Variants in RB1 observed in about 807,000 individuals in gnomAD.
The protein encoded by RB1 is retinoblastoma-associated protein.
A neutral mutation model predicts 135.4 loss-of-function variants in RB1; 18 were observed. The ratio of observed to expected loss-of-function variants is 0.13; its 90% CI spans 0.09 to 0.20. The LOEUF (loss-of-function observed/expected upper bound fraction) is 0.20. Ranked by LOEUF, RB1 falls within the 10% of genes least tolerant of loss-of-function variation. RB1 has a pLI of 1.00. For missense variants in RB1, 868 were observed against 1,110.0 expected, an observed-to-expected ratio of 0.78 and a Z score of 3.10; for synonymous variants, 365 against 373.2, an observed-to-expected ratio of 0.98 and a Z score of 0.25.
intron 5 of RB1, 105 bp downstream of exon 5, chr13:48,347,968 C>G (rs1019763542): frequency 4.8e-6 from 4 of 837,820 alleles, no homozygotes; most frequent in Middle Eastern, 2.3e-4. Context: ...TTATAGCAGG[C>G]TACTTCATAA....
chr13:48,308,141 A>C (rs551029169), intron 2 of RB1, among the ~76,000 whole-genome samples: 13 of 151,672 alleles, frequency 8.6e-5, no homozygotes, highest in Non-Finnish European at 1.8e-4. Context: ...ATGTTTAATA[A>C]AAGGAGCAAA....
intron 6 of RB1, among the ~76,000 whole-genome samples, chr13:48,350,932 T>A (rs548513118): frequency 7.2e-5 from 11 of 152,362 alleles, no homozygotes; most frequent in East Asian, 5.8e-4. Flanking sequence ...ATGGGCTGCA[T>A]AGAATTCCAT....
intron 23 of RB1, among the ~76,000 whole-genome samples, 153 bp downstream of exon 23, chr13:48,465,521 G>A (rs995018444): frequency 1.3e-5 from 2 of 152,306 alleles, no homozygotes; most frequent in Admixed American, 6.5e-5. Flanking sequence ...ATATGGGGGC[G>A]GGGTGAAGAA....
At chr13:48,401,979 T>C (rs1269395446) in intron 17 of RB1, among the ~76,000 whole-genome samples, 3 of 152,138 alleles carry the variant, frequency 2.0e-5, no homozygotes, top group Non-Finnish European at 4.4e-5. Flanking sequence ...GATAATTTAA[T>C]TGTCTAAAAG....
chr13:48,386,978 A>G (rs188853613), intron 17 of RB1, among the ~76,000 whole-genome samples: 3 of 152,220 alleles, frequency 2.0e-5, no homozygotes, highest in African/African-American at 4.8e-5. Context: ...CCGCCCTGCA[A>G]CTAACCTTTA....
In RB1 at chr13:48,397,493, G is replaced by C. The variant is rs939513558; in HGVS notation, c.1695+16050G>C. 4.6e-5 allele frequency among the ~76,000 whole-genome samples: 7 copies of C among 152,040 alleles called. No homozygotes were observed. In the East Asian group the frequency reaches 7.7e-4, roughly 17 times the overall value. On this transcript the variant is annotated intron_variant, in intron 17 of 26. Transcript: ENST00000267163. ...GAACATCACACACCGGGGCCTGTCA[G>C]GGGGTGCGGGTCTAAGGGAGGGATA...
intron 2 of RB1, chr13:48,318,657 G>A (rs1467845025): frequency 3.3e-6 from 2 of 611,068 alleles, no homozygotes; most frequent in Non-Finnish European, 3.0e-6. Flanking sequence ...CACCTCCCGC[G>A]TTTTCTTGGG....
intron 17 of RB1, among the ~76,000 whole-genome samples, chr13:48,417,730 G>T (rs981764898): frequency 6.6e-6 from 1 of 152,056 alleles, no homozygotes; most frequent in Non-Finnish European, 1.5e-5. Context: ...CAAGAACTTC[G>T]TGAAGCATAC....
chr13:48,366,978 G>A (rs1952707098), intron 9 of RB1, among the ~76,000 whole-genome samples: 1 of 151,916 alleles, frequency 6.6e-6, no homozygotes, highest in Non-Finnish European at 1.5e-5. Flanking sequence ...AATTAGCCGG[G>A]CATGGTAGCA....
intron 6 of RB1, among the ~76,000 whole-genome samples, chr13:48,353,328 T>C (rs971695733): frequency 6.6e-6 from 1 of 151,968 alleles, no homozygotes; most frequent in Non-Finnish European, 1.5e-5. Context: ...TATATGCCAA[T>C]AAACTGGAAA....
intron 16 of RB1, among the ~76,000 whole-genome samples, chr13:48,381,031 A>G (rs955088223): frequency 6.6e-6 from 1 of 152,182 alleles, no homozygotes; most frequent in African/African-American, 2.4e-5. Context: ...GAGATCAGCT[A>G]TAAGTCCTTT....
chr13:48,325,993 A>C (rs1033581535), intron 2 of RB1, among the ~76,000 whole-genome samples: 1 of 152,146 alleles, frequency 6.6e-6, no homozygotes, highest in African/African-American at 2.4e-5. Flanking sequence ...CACTCTGCTT[A>C]ATACTGTAAC....
chr13:48,303,940 G>A lies in RB1; in HGVS notation c.28G>A (p.Ala10Thr). 6.6e-7 allele frequency: 1 copy of A among 1,509,326 alleles called. No homozygotes were observed. 93.5% of individuals were successfully genotyped at this position (1,509,326 alleles called of 1,614,324 possible). Residue 10 changes from alanine (A) to threonine (T), a missense_variant, in exon 1 of 27, where the codon GCC becomes ACC. Coordinates refer to ENST00000267163, the MANE Select transcript of RB1 (RefSeq NM_000321.3). ...GCCGCCCAAAACCCCCCGAAAAACG[G>A]CCGCCACCGCCGCCGCTGCCGCCGC... MPPKTPRKT[A>T]ATAAAAAAEP...
At position 48,342,713 on chromosome 13, in the gene RB1, A is replaced by T; in HGVS notation, c.379A>T (p.Ser127Cys). 6.3e-7 allele frequency: 1 copy of T among 1,583,806 alleles called. No homozygotes were observed. Among genetic ancestry groups the T allele is most frequent in the Non-Finnish European group, 8.7e-7 (1 of 1,152,754 alleles). ...TGAGCTACAGAAAAACATAGAAATC[A>T]GGTAAAGTTTCTTGTATAAATATAA... is the stretch of plus-strand genomic sequence containing the variant. Reference protein sequence around the residue: ...FTELQKNIEISVHKFFNLLKE... With the variant: ...FTELQKNIEICVHKFFNLLKE... The change falls in exon 3 of 27, where the codon AGT becomes TGT. Residue 127 changes from serine (S) to cysteine (C), a missense_variant and splice_region_variant. By Grantham distance (112) the Ser-to-Cys change is moderately radical. Around this residue, in one of 3 missense-constraint regions of RB1, gnomAD observed 641 missense variants for 791.3 expected, o/e 0.81. Transcript: ENST00000267163.
intron 2 of RB1, among the ~76,000 whole-genome samples, chr13:48,338,742 G>A (rs190910676): frequency 4.4e-4 from 67 of 152,300 alleles, no homozygotes; most frequent in Non-Finnish European, 6.6e-4. Flanking sequence ...TCCTTTGGAG[G>A]GGGAGAGGCA....
intron 13 of RB1, among the ~76,000 whole-genome samples, chr13:48,378,731 A>G (rs566576787): frequency 6.6e-6 from 1 of 152,172 alleles, no homozygotes; most frequent in Non-Finnish European, 1.5e-5. Context: ...TGGCAGTGCA[A>G]TAGGTTTATT....
intron 20 of RB1, among the ~76,000 whole-genome samples, chr13:48,460,345 C>G (rs1268099323): frequency 6.6e-6 from 1 of 152,062 alleles, no homozygotes; most frequent in African/African-American, 2.4e-5. Flanking sequence ...AATATATGTT[C>G]ACTTTTTGGC....
intron 2 of RB1, among the ~76,000 whole-genome samples, chr13:48,320,939 C>A (rs1246531875): frequency 3.9e-5 from 6 of 152,128 alleles, no homozygotes; most frequent in Admixed American, 3.9e-4. Context: ...AGGATCAGGA[C>A]GACGTTACGC....
chr13:48,456,700 G>A (rs1949362831), intron 19 of RB1, among the ~76,000 whole-genome samples: 1 of 152,234 alleles, frequency 6.6e-6, no homozygotes, highest in African/African-American at 2.4e-5. Flanking sequence ...GGAGAGGGGT[G>A]TGTGGGCAAG....
Sources: gnomAD v4.1 joint callset for allele counts (sites outside exome capture counted in the v4.1 genomes callset) on GRCh38, gnomAD v4.1.1 for gene constraint, gnomAD v4.1.1 regional missense constraint, MANE v1.5 for transcripts, NCBI Gene and HGNC (gene_info 2026-07-23, HGNC 2026-07-21) for gene names.